The following CKMT2 variants were observed in gnomAD, a reference collection of about 807,000 sequenced individuals.
CKMT2 encodes the protein creatine kinase S-type, mitochondrial.
CKMT2 carries 43 observed loss-of-function variants against 48.9 expected under a neutral mutation model. The observed-to-expected ratio is 0.88, with a 90% confidence interval of 0.69 to 1.13. The LOEUF (loss-of-function observed/expected upper bound fraction) is 1.13. CKMT2 is among the 50% of genes most tolerant of loss of function. The pLI is 0.00. For synonymous variants in CKMT2, 206 were observed against 213.0 expected, an observed-to-expected ratio of 0.97 and a Z score of 0.29; for missense variants, 472 against 555.4, an observed-to-expected ratio of 0.85 and a Z score of 1.51.
chr5:81,266,221 A>T lies in CKMT2; in HGVS notation c.1223A>T (p.Lys408Met), dbSNP rs776556158. Reference sequence around the variant, plus strand: ...AAGTTGGAGAGAGGCCAAGATATTAAGGTGCCACCCCCTCTGCCTCAGTTT... The same window carrying T: ...AAGTTGGAGAGAGGCCAAGATATTATGGTGCCACCCCCTCTGCCTCAGTTT... ...EKKLERGQDIKVPPPLPQFGK... is the reference protein window; with the variant it reads ...EKKLERGQDIMVPPPLPQFGK... Residue 408 changes from lysine to methionine, a missense_variant, in exon 10 of 10, where the codon AAG (lysine) becomes ATG (methionine). Transcript: ENST00000254035. 26 of 1,613,398 alleles carry T rather than the reference A, an allele frequency of 1.6e-5. No homozygotes were observed. Among genetic ancestry groups the T allele is most frequent in the Non-Finnish European group, 1.8e-5 (21 of 1,179,400 alleles).
intron 3 of CKMT2, 115 bp downstream of exon 3, chr5:81,253,008 AGG>A: frequency 8.6e-7 from 1 of 1,156,194 alleles, no homozygotes; most frequent in Non-Finnish European, 1.3e-6. Context: ...CTTCTCAGGA[AGG>A]GCTCTCATAA....
chr5:81,263,609 G>C lies in CKMT2; in HGVS notation c.1133G>C (p.Arg378Pro), dbSNP rs753159700. Residue 378 changes from arginine to proline, a missense_variant, in exon 9 of 10, where the codon CGA (arginine) becomes CCA (proline). Coordinates refer to ENST00000254035, the MANE Select transcript of CKMT2 (RefSeq NM_001099735.2). Reference protein sequence around the residue: ...YDISNIDRIGRSEVELVQIVI... With the variant: ...YDISNIDRIGPSEVELVQIVI... ...ATTTCCAACATAGATAGAATTGGTC[G>C]ATCAGAGGTAACGTCTCTCTCACTT... 2.5e-6 allele frequency: 4 copies of C among 1,610,712 alleles called. No individual in the cohort carries two copies. The highest frequency in any genetic ancestry group is 2.2e-5 in the East Asian group (1 of 44,736).
At chr5:81,239,730 C>T (rs978461439) in intron 1 of CKMT2, among the ~76,000 whole-genome samples, 1 of 152,170 alleles carries the variant, frequency 6.6e-6, no homozygotes, top group Non-Finnish European at 1.5e-5. Context: ...GACCCCCCAA[C>T]AGGCTCTGGC....
intron 1 of CKMT2, among the ~76,000 whole-genome samples, chr5:81,241,247 G>C (rs1274293921): frequency 6.6e-6 from 1 of 152,118 alleles, no homozygotes; most frequent in African/African-American, 2.4e-5. Context: ...ACCAATTCCT[G>C]CTCCTCGTGA....
chr5:81,241,021 T>C (rs779241248), intron 1 of CKMT2, among the ~76,000 whole-genome samples: 7 of 152,194 alleles, frequency 4.6e-5, no homozygotes, highest in Non-Finnish European at 7.4e-5. Flanking sequence ...ATCAGACATT[T>C]AATGATAACC....
At chr5:81,253,771 A>G (rs964603126) in intron 3 of CKMT2, among the ~76,000 whole-genome samples, 7 of 152,196 alleles carry the variant, frequency 4.6e-5, no homozygotes, top group Admixed American at 2.6e-4. Context: ...GTGCTTTGTT[A>G]CAACTTCTTT....
intron 1 of CKMT2, 62 bp downstream of exon 1, chr5:81,233,439 G>A: frequency 1.0e-6 from 1 of 974,592 alleles, no homozygotes; most frequent in Non-Finnish European, 1.2e-6. Context: ...TAGAGCCAGT[G>A]TGAAGGGCCT....
At chr5:81,234,007 C>T (rs2112772713) in intron 1 of CKMT2, among the ~76,000 whole-genome samples, 1 of 144,584 alleles carries the variant, frequency 6.9e-6, no homozygotes, top group Non-Finnish European at 1.5e-5. Flanking sequence ...TTACCTTTCC[C>T]ACCGGAGGTT....
Position 81,243,331 on chromosome 5 carries a change from T to C in CKMT2, c.-20-7782T>C, listed in dbSNP as rs192092351. 2.4e-4 allele frequency among the ~76,000 whole-genome samples: 37 copies of C among 152,252 alleles called. No individual in the cohort carries two copies. The East Asian group carries it at 6.8e-3, about 28-fold the overall frequency. ...TAGAAGGGAACAGATTTTGTGGGGA[T>C]TGAGGCACCAGGCTGTGGTCCAATT... On this transcript the variant is annotated intron_variant, in intron 1 of 9. Coordinates refer to ENST00000254035, the MANE Select transcript of CKMT2 (RefSeq NM_001099735.2).
In CKMT2 at chr5:81,245,938, G is replaced by A. The variant is rs147493804; in HGVS notation, c.-20-5175G>A. Reference sequence around the variant, plus strand: ...TAGACCAGAAATCTCAGGCATCCCTGGTTTTCCCTTATCTTTCATTTCCAA... The same window carrying A: ...TAGACCAGAAATCTCAGGCATCCCTAGTTTTCCCTTATCTTTCATTTCCAA... On this transcript the variant is annotated intron_variant, in intron 1 of 9. Coordinates refer to ENST00000254035, the MANE Select transcript of CKMT2 (RefSeq NM_001099735.2). Among the ~76,000 whole-genome samples, 452 of 152,232 alleles carry A rather than the reference G, an allele frequency of 3.0e-3. 2 individuals carry two copies. The highest frequency in any genetic ancestry group is 9.9e-3 in the African/African-American group (412 of 41,552).
intron 1 of CKMT2, among the ~76,000 whole-genome samples, chr5:81,243,835 G>A (rs574371906): frequency 1.1e-4 from 17 of 152,150 alleles, no homozygotes; most frequent in Non-Finnish European, 2.1e-4. Context: ...GATTACAGGC[G>A]CGTGCTACCA....
At chr5:81,238,737 T>C (rs1456956894) in intron 1 of CKMT2, 1 of 152,456 alleles carries the variant, frequency 6.6e-6, no homozygotes, top group African/African-American at 2.4e-5. Flanking sequence ...AAGTCCTCCC[T>C]TTATCCACCA....
chr5:81,257,596 G>A, intron 6 of CKMT2, 137 bp from the exon 7 acceptor site: 1 of 625,790 alleles, frequency 1.6e-6, no homozygotes, highest in Non-Finnish European at 2.6e-6. Flanking sequence ...TACTTGTTCA[G>A]GCACAGTTAA....
At chr5:81,252,633 C>T (rs1367434266) in intron 2 of CKMT2, 62 bp from the exon 3 acceptor site, 2 of 1,550,666 alleles carry the variant, frequency 1.3e-6, no homozygotes, top group Non-Finnish European at 8.9e-7. Flanking sequence ...AACAACAAGT[C>T]CTTCCATTGG....
At chr5:81,245,618 A>G (rs999493713) in intron 1 of CKMT2, among the ~76,000 whole-genome samples, 3 of 152,234 alleles carry the variant, frequency 2.0e-5, no homozygotes, top group African/African-American at 7.2e-5. Context: ...ACTGGGTCAT[A>G]GCAGTCTCTG....
intron 7 of CKMT2, among the ~76,000 whole-genome samples, 198 bp from the exon 8 acceptor site, chr5:81,258,922 G>C (rs533154161): frequency 6.6e-6 from 1 of 152,122 alleles, no homozygotes; most frequent in African/African-American, 2.4e-5. Flanking sequence ...TGCTTTACAT[G>C]GTTCATTTAA....
At chr5:81,259,330 TC>T in intron 8 of CKMT2, 76 bp downstream of exon 8, 1 of 1,329,784 alleles carries the variant, frequency 7.5e-7, no homozygotes, top group African/African-American at 1.5e-5. Flanking sequence ...GAAGAAAACA[TC>T]ACTGCCCATT....
chr5:81,262,992 G>C (rs1440958886), intron 8 of CKMT2, among the ~76,000 whole-genome samples: 1 of 152,166 alleles, frequency 6.6e-6, no homozygotes, highest in Non-Finnish European at 1.5e-5. Context: ...ATACTATGCA[G>C]CCATAAAAAA....
At chr5:81,244,209 A>G in intron 1 of CKMT2, 1 of 984,796 alleles carries the variant, frequency 1.0e-6, no homozygotes, top group Non-Finnish European at 1.2e-6. Context: ...AAGTGAGGTA[A>G]AGTTCCTTAC....
Sources: gnomAD v4.1 joint callset for allele counts (sites outside exome capture counted in the v4.1 genomes callset) on GRCh38, gnomAD v4.1.1 for gene constraint, MANE v1.5 for transcripts, NCBI Gene and HGNC (gene_info 2026-07-23, HGNC 2026-07-21) for gene names.